Variants in ST6GALNAC5 observed in about 807,000 individuals in gnomAD.
ST6GALNAC5 encodes ST6 N-acetylgalactosaminide alpha-2,6-sialyltransferase 5, also known as alpha-N-acetylgalactosaminide alpha-2,6-sialyltransferase 5.
In ST6GALNAC5, 27 loss-of-function variants were observed where a neutral mutation model predicts 33.6. The ratio of observed to expected loss-of-function variants is 0.80; its 90% CI spans 0.59 to 1.11. The LOEUF is 1.11. Among genes scored for constraint, ST6GALNAC5 ranks in the 50% least tolerant of loss-of-function variants. ST6GALNAC5 has a pLI of 0.00. For missense variants in ST6GALNAC5, 428 were observed against 454.0 expected (o/e 0.94, Z 0.52); for synonymous variants, 194 against 171.2 (o/e 1.13, Z -1.04).
chr1:76,899,657 T>C (rs150376887), intron 2 of ST6GALNAC5, among the ~76,000 whole-genome samples: 2,761 of 152,284 alleles, frequency 0.018, 85 homozygotes, highest in African/African-American at 0.062. Flanking sequence ...CCGTGACTGG[T>C]GCCGGAGTTT....
intron 2 of ST6GALNAC5, among the ~76,000 whole-genome samples, chr1:76,939,203 A>T (rs1291050360): frequency 6.6e-6 from 1 of 152,050 alleles, no homozygotes; most frequent in East Asian, 1.9e-4. Flanking sequence ...CACTCGTGCC[A>T]TCTCTCTTCC....
intron 2 of ST6GALNAC5, among the ~76,000 whole-genome samples, chr1:76,987,409 G>T (rs1425860973): frequency 6.6e-6 from 1 of 152,086 alleles, no homozygotes; most frequent in African/African-American, 2.4e-5. Context: ...ACACCAGTTA[G>T]GTTGGCTATA....
At chr1:77,020,840 A>G (rs1213267702) in intron 2 of ST6GALNAC5, among the ~76,000 whole-genome samples, 3 of 152,098 alleles carry the variant, frequency 2.0e-5, no homozygotes, top group African/African-American at 7.2e-5. Flanking sequence ...GCTCCGTTAC[A>G]CCTCTGGGGG....
chr1:76,957,297 G>T (rs1477869896), intron 2 of ST6GALNAC5, among the ~76,000 whole-genome samples: 4 of 152,098 alleles, frequency 2.6e-5, no homozygotes, highest in African/African-American at 7.2e-5. Context: ...TCCTTGGCTT[G>T]TAGAGGCATT....
chr1:76,998,022 C>T (rs1439886132), intron 2 of ST6GALNAC5, among the ~76,000 whole-genome samples: 2 of 152,154 alleles, frequency 1.3e-5, no homozygotes, highest in Non-Finnish European at 2.9e-5. Context: ...CAGCACTCAT[C>T]CTCCCTCCTG....
At chr1:76,963,906 C>G (rs900665329) in intron 2 of ST6GALNAC5, among the ~76,000 whole-genome samples, 1 of 152,108 alleles carries the variant, frequency 6.6e-6, no homozygotes, top group Non-Finnish European at 1.5e-5. Context: ...AGGGGAGAAC[C>G]TTTTCCCACT....
chr1:76,981,188 T>A (rs1649235330), intron 2 of ST6GALNAC5, among the ~76,000 whole-genome samples: 1 of 152,158 alleles, frequency 6.6e-6, no homozygotes, highest in South Asian at 2.1e-4. Flanking sequence ...AGAGCGGGCA[T>A]CGCCTCACCA....
chr1:76,978,259 C>T (rs1383081721), intron 2 of ST6GALNAC5, among the ~76,000 whole-genome samples: 1 of 152,136 alleles, frequency 6.6e-6, no homozygotes, highest in African/African-American at 2.4e-5. Context: ...ATACTTTCTC[C>T]TATTCTGTAG....
intron 2 of ST6GALNAC5, among the ~76,000 whole-genome samples, chr1:76,869,829 T>C (rs1164964518): frequency 6.6e-6 from 1 of 152,198 alleles, no homozygotes; most frequent in Non-Finnish European, 1.5e-5. Flanking sequence ...GATCTTTAAA[T>C]ACCTGAGGAC....
At chr1:76,924,895 T>C (rs2100301865) in intron 2 of ST6GALNAC5, among the ~76,000 whole-genome samples, 1 of 152,258 alleles carries the variant, frequency 6.6e-6, no homozygotes, top group African/African-American at 2.4e-5. Flanking sequence ...CCTGGTGTGT[T>C]AGTCTGTTTT....
intron 2 of ST6GALNAC5, among the ~76,000 whole-genome samples, chr1:76,974,727 T>G (rs920127754): frequency 1.3e-5 from 2 of 150,600 alleles, no homozygotes; most frequent in Admixed American, 1.3e-4. Flanking sequence ...GTCTTATAAT[T>G]TCTTCTCTTT....
chr1:76,902,868 T>C (rs576570589), intron 2 of ST6GALNAC5, among the ~76,000 whole-genome samples: 1 of 152,154 alleles, frequency 6.6e-6, no homozygotes, highest in South Asian at 2.1e-4. Context: ...CCTCACACAA[T>C]ATAGAAAAAT....
chr1:77,019,541 A>G (rs1308998397), intron 2 of ST6GALNAC5, among the ~76,000 whole-genome samples: 1 of 152,232 alleles, frequency 6.6e-6, no homozygotes, highest in Non-Finnish European at 1.5e-5. Flanking sequence ...TCCCCAAACT[A>G]TCTGGAGCAT....
chr1:77,044,408 C>G lies in ST6GALNAC5; in HGVS notation c.466C>G (p.Arg156Gly). The change falls in exon 3 of 5, where the codon CGC becomes GGC. Residue 156 changes from arginine to glycine, a missense_variant. Physicochemically the swap from Arg to Gly is moderately radical, Grantham distance 125. Transcript: ENST00000477717. ...CAGCATCCAGAGGATCCTCCGCAAC[C>G]GCCATGACCTGCTCAACGTGAGCCA... Reference protein sequence around the residue: ...HSSIQRILRNRHDLLNVSQGT... With the variant: ...HSSIQRILRNGHDLLNVSQGT... 4 of 1,613,340 alleles carry G rather than the reference C, an allele frequency of 2.5e-6. No individual in the cohort carries two copies. Among genetic ancestry groups the G allele is most frequent in the Non-Finnish European group, 3.4e-6 (4 of 1,179,570 alleles).
At chr1:77,017,351 G>A (rs1199393370) in intron 2 of ST6GALNAC5, among the ~76,000 whole-genome samples, 1 of 152,142 alleles carries the variant, frequency 6.6e-6, no homozygotes, top group Non-Finnish European at 1.5e-5. Context: ...CTGGAGAGTA[G>A]AATTGGTAGC....
At chr1:77,030,862 G>A (rs553756378) in intron 2 of ST6GALNAC5, among the ~76,000 whole-genome samples, 1 of 152,116 alleles carries the variant, frequency 6.6e-6, no homozygotes, top group Non-Finnish European at 1.5e-5. Context: ...AAGGAGCAGG[G>A]GGCCTCCATC....
At chr1:77,050,555 G>A (rs1652186145) in intron 4 of ST6GALNAC5, among the ~76,000 whole-genome samples, 190 bp downstream of exon 4, 1 of 152,184 alleles carries the variant, frequency 6.6e-6, no homozygotes, top group Non-Finnish European at 1.5e-5. Flanking sequence ...GAAAGTTTTT[G>A]TTTGTACTGC....
At chr1:77,042,591 C>T (rs1223733397) in intron 2 of ST6GALNAC5, among the ~76,000 whole-genome samples, 1 of 152,178 alleles carries the variant, frequency 6.6e-6, no homozygotes, top group African/African-American at 2.4e-5. Flanking sequence ...TGGACCCCTG[C>T]ATTCTCTTCT....
chr1:76,994,912 CA>C (rs1242905626), intron 2 of ST6GALNAC5, among the ~76,000 whole-genome samples: 1 of 152,150 alleles, frequency 6.6e-6, no homozygotes, highest in East Asian at 1.9e-4. Flanking sequence ...TATCCGGGCT[CA>C]AACACCAACC....
Sources: allele counts gnomAD v4.1 joint callset (sites outside exome capture counted in the v4.1 genomes callset), GRCh38; gene constraint gnomAD v4.1.1; transcripts MANE v1.5; gene names NCBI Gene and HGNC (gene_info 2026-07-23, HGNC 2026-07-21).